Variants in PDE4D observed in about 807,000 individuals in gnomAD.
The protein encoded by PDE4D is phosphodiesterase 4D.
PDE4D carries 24 observed loss-of-function variants against 87.4 expected under a neutral mutation model. The observed-to-expected ratio is 0.27, with a 90% CI of 0.20 to 0.39. The LOEUF (loss-of-function observed/expected upper bound fraction) is 0.39. Among genes scored for constraint, PDE4D ranks in the 10% least tolerant of loss-of-function variants. PDE4D has a pLI of 1.00. For synonymous variants in PDE4D, 384 were observed against 383.2 expected (o/e 1.00, Z -0.02); for missense variants, 714 against 1,041.0 (o/e 0.69, Z 4.32).
At chr5:60,461,323 G>A (rs554831702) in intron 1 of PDE4D, among the ~76,000 whole-genome samples, 13 of 152,254 alleles carry the variant, frequency 8.5e-5, no homozygotes, top group African/African-American at 3.1e-4. Context: ...TACTCTTGGT[G>A]AAATTTACCT....
intron 1 of PDE4D, among the ~76,000 whole-genome samples, chr5:59,822,380 A>G (rs1769800616): frequency 6.6e-6 from 1 of 152,172 alleles, no homozygotes; most frequent in Non-Finnish European, 1.5e-5. Flanking sequence ...GAAGGTAGAT[A>G]GATTAATCTC....
intron 1 of PDE4D, among the ~76,000 whole-genome samples, chr5:59,677,014 T>A (rs1748200609): frequency 6.6e-6 from 1 of 151,392 alleles, no homozygotes; most frequent in South Asian, 2.1e-4. Flanking sequence ...ATTTTTTGAG[T>A]GAGAAAGCAG....
At chr5:59,378,942 A>T (rs529510178) in intron 1 of PDE4D, among the ~76,000 whole-genome samples, 5 of 150,404 alleles carry the variant, frequency 3.3e-5, no homozygotes, top group Admixed American at 1.3e-4. Flanking sequence ...GAGAAAAAGG[A>T]TAGAGGAGCA....
At chr5:59,501,726 G>T (rs144771464) in intron 1 of PDE4D, among the ~76,000 whole-genome samples, 8 of 152,242 alleles carry the variant, frequency 5.3e-5, no homozygotes, top group Non-Finnish European at 7.4e-5. Flanking sequence ...GCACAGTATG[G>T]TGATGGTGAC....
chr5:59,367,771 G>A (rs1783310069), intron 1 of PDE4D, among the ~76,000 whole-genome samples: 1 of 152,162 alleles, frequency 6.6e-6, no homozygotes, highest in Non-Finnish European at 1.5e-5. Flanking sequence ...GCCTTACAGA[G>A]CCTAAGAAGA....
chr5:59,852,481 C>T (rs1744824254), intron 1 of PDE4D, among the ~76,000 whole-genome samples: 1 of 152,008 alleles, frequency 6.6e-6, no homozygotes, highest in Middle Eastern at 3.2e-3. Flanking sequence ...TGAAGTCTCC[C>T]CCCAACAGCA....
rs561323375 is a variant in PDE4D, at chr5:59,416,275, C to A, written c.456-200307G>T. 3.9e-5 allele frequency among the ~76,000 whole-genome samples: 6 copies of A among 152,272 alleles called. No individual in the cohort carries two copies. The South Asian group carries it at 1.2e-3, about 32-fold the overall frequency. The stretch of plus-strand genomic sequence containing the variant: ...TCTTCACGTCAGTCTCAATCTAAAG[C>A]CAATTTTATCAGAGAATCCCAGAGA... On this transcript the variant is annotated intron_variant, in intron 1 of 14. Transcript: ENST00000340635.
At chr5:59,365,770 C>G (rs531286416) in intron 1 of PDE4D, among the ~76,000 whole-genome samples, 27 of 152,054 alleles carry the variant, frequency 1.8e-4, no homozygotes, top group African/African-American at 6.3e-4. Context: ...AATCTTACCT[C>G]GGAAAAATAT....
chr5:59,496,795 G>A (rs368931473), intron 1 of PDE4D, among the ~76,000 whole-genome samples: 1 of 152,092 alleles, frequency 6.6e-6, no homozygotes, highest in African/African-American at 2.4e-5. Flanking sequence ...TTGCGGACTC[G>A]AAGGTGGCTC....
At chr5:59,573,084 C>A (rs1822154013) in intron 1 of PDE4D, among the ~76,000 whole-genome samples, 1 of 152,160 alleles carries the variant, frequency 6.6e-6, no homozygotes. Context: ...TACCCTGGAT[C>A]CTAGGAAGCT....
intron 1 of PDE4D, among the ~76,000 whole-genome samples, chr5:59,295,583 G>A (rs1033416142): frequency 1.3e-5 from 2 of 152,124 alleles, no homozygotes; most frequent in Non-Finnish European, 2.9e-5. Flanking sequence ...AGGAACTTCG[G>A]CCCTCAGGCT....
intron 3 of PDE4D, among the ~76,000 whole-genome samples, chr5:59,915,667 T>A (rs1298923586): frequency 2.0e-5 from 3 of 152,230 alleles, no homozygotes; most frequent in Admixed American, 6.5e-5. Flanking sequence ...GTATCACATA[T>A]TTTACCTCAC....
rs185721866 is a variant in PDE4D at position 60,348,538 on chromosome 5, A to G, written c.-90+139404T>C. ...CTTAGTAGAAAAAAATATTTGAAAC[A>G]GCTAAGTGAACTATGACACACTTGG... On this transcript the variant is annotated intron_variant, in intron 1 of 16. Coordinates refer to the PDE4D transcript ENST00000502484. Among the ~76,000 whole-genome samples, 5 of 152,298 alleles carry G rather than the reference A, an allele frequency of 3.3e-5. No homozygotes were observed. In the East Asian group the frequency reaches 7.7e-4, roughly 24 times the overall value.
intron 5 of PDE4D, among the ~76,000 whole-genome samples, chr5:59,088,020 T>C (rs974188322): frequency 6.6e-6 from 1 of 152,210 alleles, no homozygotes; most frequent in African/African-American, 2.4e-5. Flanking sequence ...ACTGTCTTAA[T>C]CTACTTTAAA....
chr5:59,299,921 C>T (rs1160698775), intron 1 of PDE4D, among the ~76,000 whole-genome samples: 1 of 152,078 alleles, frequency 6.6e-6, no homozygotes, highest in African/African-American at 2.4e-5. Flanking sequence ...ACCAGTCTGG[C>T]CAACATGGCG....
At chr5:60,470,114 C>A (rs1306348569) in intron 1 of PDE4D, among the ~76,000 whole-genome samples, 2 of 152,108 alleles carry the variant, frequency 1.3e-5, no homozygotes, top group African/African-American at 4.8e-5. Context: ...GATAAGAAAG[C>A]AAAACAGCCT....
At chr5:59,520,261 A>AAAACAAAC (rs942787552) in intron 1 of PDE4D, among the ~76,000 whole-genome samples, 3 of 152,276 alleles carry the variant, frequency 2.0e-5, no homozygotes, top group African/African-American at 7.2e-5. Context: ...AGATTCTATC[A>AAAACAAAC]AAACAAACAA....
chr5:59,474,853 A>G (rs1030629998), intron 1 of PDE4D, among the ~76,000 whole-genome samples: 1 of 152,120 alleles, frequency 6.6e-6, no homozygotes, highest in Non-Finnish European at 1.5e-5. Context: ...TATTAAATTC[A>G]AAAATGAAAA....
chr5:59,278,269 GAA>G lies in PDE4D; in HGVS notation c.456-62303_456-62302del, dbSNP rs1765194699. 2.6e-5 allele frequency among the ~76,000 whole-genome samples: 4 copies of G among 151,978 alleles called. No individual in the cohort carries two copies. In the South Asian group the frequency reaches 6.2e-4, roughly 24 times the overall value. Reference sequence around the variant, plus strand: ...TCCCTCTGAAAAGCTTCCCCAAATGGAAAAGATATGGCATTTCCCTCGAAATT... The same window carrying G: ...TCCCTCTGAAAAGCTTCCCCAAATGGAAGATATGGCATTTCCCTCGAAATT... On this transcript the variant is annotated intron_variant, in intron 1 of 14. Transcript: ENST00000340635.
Sources: gnomAD v4.1 joint callset for allele counts (sites outside exome capture counted in the v4.1 genomes callset) on GRCh38, gnomAD v4.1.1 for gene constraint, MANE v1.5 for transcripts, NCBI Gene and HGNC (gene_info 2026-07-23, HGNC 2026-07-21) for gene names.